SNED1: variants seen among roughly 807,000 people sequenced by gnomAD.
SNED1 encodes sushi, nidogen and EGF like domains 1.
A neutral mutation model predicts 166.7 loss-of-function variants in SNED1; 81 were observed. The observed-to-expected ratio is 0.49, with a 90% confidence interval of 0.41 to 0.58. SNED1 has a LOEUF of 0.58. Ranked by LOEUF, SNED1 falls within the 20% of genes least tolerant of loss-of-function variation. SNED1 has a pLI of 0.00. For synonymous variants in SNED1, 762 were observed against 822.0 expected, an observed-to-expected ratio of 0.93 and a Z score of 1.25; for missense variants, 1,604 against 2,000.2, an observed-to-expected ratio of 0.80 and a Z score of 3.78.
chr2:241,080,232 T>C (rs6739482), intron 27 of SNED1, among the ~76,000 whole-genome samples: 50,182 of 152,034 alleles, frequency 0.33, 12,225 homozygotes, highest in African/African-American at 0.67. Context: ...TACAGTGAGC[T>C]GAGATCGCGA....
chr2:241,073,688 C>G lies in SNED1; in HGVS notation c.3916+324C>G. 1 of 470,796 alleles carries G rather than the reference C, an allele frequency of 2.1e-6. No individual in the cohort carries two copies. Among genetic ancestry groups the G allele is most frequent in the East Asian group, 3.2e-5 (1 of 31,040 alleles). 29.2% of individuals were successfully genotyped at this position (470,796 alleles called of 1,614,324 possible). A position where few individuals can be genotyped will look rare whatever the true frequency, so the allele number is the denominator to read the frequency against. ...CACATGCAGCAGAGCCCACCCCAGC[C>G]CCTGCCTCTGGGCCCCTCACCCCTC... On this transcript the variant is annotated intron_variant, in intron 27 of 31. Coordinates refer to ENST00000310397, the MANE Select transcript of SNED1 (RefSeq NM_001080437.3). This position sits in a 1 kb window ranked among gnomAD's most constrained non-coding sequence, Gnocchi z 6.6.
At position 241,094,091 on chromosome 2, in the gene SNED1, C is replaced by T. The variant is rs570685210; in HGVS notation, c.*2455C>T. ...CACAATGGAAGAGAAAATGAAAACA[C>T]TGGCACAGTGAAATGTCTCATTTCC... is the stretch of plus-strand genomic sequence containing the variant. On this transcript the variant is annotated 3_prime_UTR_variant, in exon 32 of 32. Coordinates refer to ENST00000310397, the MANE Select transcript of SNED1 (RefSeq NM_001080437.3). This position sits in a 1 kb window ranked among gnomAD's most constrained non-coding sequence, Gnocchi z 4.3. The T allele has an allele frequency of 2.9e-6, 1 of 347,808 alleles. No homozygotes were observed. Among genetic ancestry groups the T allele is most frequent in the East Asian group, 7.9e-5 (1 of 12,688 alleles). The allele number at this position is 347,808 out of a possible 1,614,324, so 21.5% of individuals were successfully genotyped here. A position where few individuals can be genotyped will look rare whatever the true frequency, so the allele number is the denominator to read the frequency against.
intron 24 of SNED1, 184 bp from the exon 25 acceptor site, chr2:241,071,392 C>A (rs954078386): frequency 3.0e-6 from 2 of 658,370 alleles, no homozygotes; most frequent in African/African-American, 1.8e-5. Context: ...GGCGGGTGGG[C>A]TGGAAGGGAA....
At chr2:241,003,090 C>T (rs2060122460) in intron 1 of SNED1, among the ~76,000 whole-genome samples, 1 of 152,056 alleles carries the variant, frequency 6.6e-6, no homozygotes, top group Non-Finnish European at 1.5e-5. Flanking sequence ...CGCCAGAATC[C>T]CCGCTACGCT....
At chr2:241,012,546 T>C (rs1047439187) in intron 1 of SNED1, among the ~76,000 whole-genome samples, 14 of 152,232 alleles carry the variant, frequency 9.2e-5, no homozygotes, top group South Asian at 2.1e-4. Flanking sequence ...TATCGTTGTA[T>C]GAATAGACCA....
rs561989840 is a variant in SNED1 at position 241,094,398 on chromosome 2, C to A, written c.*2762C>A. 1.5e-5 allele frequency: 7 copies of A among 471,096 alleles called. No individual in the cohort carries two copies. The highest frequency in any genetic ancestry group is 2.4e-5 in the Admixed American group (1 of 42,546). The allele number at this position is 471,096 out of a possible 1,614,324, so 29.2% of individuals were successfully genotyped here. On this transcript the variant is annotated 3_prime_UTR_variant, in exon 32 of 32. Transcript: ENST00000310397. This position sits in a 1 kb window ranked among gnomAD's most constrained non-coding sequence, Gnocchi z 4.3. ...TGCTTTTCTTTTGCAAAACAAAAGT[C>A]TTTTTCTTTGCAGTCACGCTGTAAG...
In SNED1 at chr2:241,092,412, A is replaced by T. The variant is rs1354161901; in HGVS notation, c.*776A>T. The stretch of plus-strand genomic sequence containing the variant: ...TGAATGGCTGCGGCTATGTTCCAAT[A>T]AAAACTTATTTACAATAACAGGTGG... On this transcript the variant is annotated 3_prime_UTR_variant, in exon 32 of 32. Transcript: ENST00000310397. This position sits in a 1 kb window ranked among gnomAD's most constrained non-coding sequence, Gnocchi z 4.6. 6.6e-6 allele frequency: 1 copy of T among 152,226 alleles called. No individual in the cohort carries two copies. The allele number at this position is 152,226 out of a possible 1,614,324, so 9.4% of individuals were successfully genotyped here. A position where few individuals can be genotyped will look rare whatever the true frequency, so the allele number is the denominator to read the frequency against.
At chr2:241,070,931 G>A (rs371788910) in intron 24 of SNED1, among the ~76,000 whole-genome samples, 2 of 152,226 alleles carry the variant, frequency 1.3e-5, no homozygotes, top group African/African-American at 4.8e-5. Context: ...TCCCCAACCC[G>A]TGAGGCTGTG....
intron 1 of SNED1, chr2:241,010,120 G>C (rs939960188): frequency 6.6e-6 from 1 of 152,252 alleles, no homozygotes; most frequent in African/African-American, 2.4e-5. Flanking sequence ...TCAAAGCAGG[G>C]AACCGCAGAG....
At chr2:241,035,587 ACTCGC>A (rs2061323889) in intron 4 of SNED1, 8 of 151,964 alleles carry the variant, frequency 5.3e-5, no homozygotes, top group Admixed American at 4.6e-4. Context: ...CCTGCCCCAG[ACTCGC>A]CTCCCAGCCG....
intron 16 of SNED1, among the ~76,000 whole-genome samples, chr2:241,059,086 C>T (rs1204021142): frequency 1.3e-5 from 2 of 152,180 alleles, no homozygotes; most frequent in East Asian, 1.9e-4. Context: ...ATTAAAGATC[C>T]TGCCAGTACT....
In SNED1 at chr2:241,012,992, C is replaced by T. The variant is rs559410157; in HGVS notation, c.213+13942C>T. On this transcript the variant is annotated intron_variant, in intron 1 of 31. Transcript: ENST00000310397. ...CTGGGACTACAGGTGCCCGCCACCA[C>T]GCCCGCTAATTTTTTGTATTTTCAG... Among the ~76,000 whole-genome samples the T allele has an allele frequency of 1.4e-4, 21 of 152,090 alleles. No individual in the cohort carries two copies. The South Asian group carries it at 1.9e-3, about 14-fold the overall frequency.
chr2:241,011,775 G>T (rs1328107909), intron 1 of SNED1, among the ~76,000 whole-genome samples: 1 of 152,210 alleles, frequency 6.6e-6, no homozygotes, highest in Non-Finnish European at 1.5e-5. Context: ...TCTGGCCTGG[G>T]CCTTGCCCAC....
In SNED1 at chr2:241,064,269, C is replaced by T. The variant is rs2062350813; in HGVS notation, c.2599+144C>T. ...CTCTGCCCGCCGCCTTGGAAGTCCC[C>T]TTCTCAGGCCAGTGGCCCTCCGCCT... On this transcript the variant is annotated intron_variant, in intron 19 of 31. Coordinates refer to ENST00000310397, the MANE Select transcript of SNED1 (RefSeq NM_001080437.3). This position sits in a 1 kb window ranked among gnomAD's most constrained non-coding sequence, Gnocchi z 7.0. 6.5e-6 allele frequency: 4 copies of T among 611,922 alleles called. No homozygotes were observed. Among genetic ancestry groups the T allele is most frequent in the Non-Finnish European group, 1.1e-5 (4 of 357,974 alleles). 37.9% of individuals were successfully genotyped at this position (611,922 alleles called of 1,614,324 possible).
intron 2 of SNED1, among the ~76,000 whole-genome samples, chr2:241,032,821 A>G (rs2061230169): frequency 1.3e-5 from 2 of 152,104 alleles, no homozygotes; most frequent in Non-Finnish European, 2.9e-5. Context: ...GTGTCTCTTC[A>G]TACCCTCTGA....
chr2:241,064,175 G>T lies in SNED1; in HGVS notation c.2599+50G>T, dbSNP rs746975906. ...CCCGCCCTCTGCCCGCCTGCTCCCC[G>T]CCCTCTGCCCGCCTGCTGCCCGCCC... On this transcript the variant is annotated intron_variant, in intron 19 of 31. Transcript: ENST00000310397. The surrounding 1 kb of genome is among the most constrained non-coding windows in gnomAD (Gnocchi z 7.0). The T allele has an allele frequency of 1.7e-5, 22 of 1,262,022 alleles. No individual in the cohort carries two copies. In the South Asian group the frequency reaches 2.6e-4, roughly 15 times the overall value. 78.2% of individuals were successfully genotyped at this position (1,262,022 alleles called of 1,614,324 possible).
At position 241,068,941 on chromosome 2, in the gene SNED1, C is replaced by A. The variant is rs1247126737; in HGVS notation, c.3225C>A (p.Ile1075=). 5 of 1,555,126 alleles carry A rather than the reference C, an allele frequency of 3.2e-6. No individual in the cohort carries two copies. Among genetic ancestry groups the A allele is most frequent in the Non-Finnish European group, 2.6e-6 (3 of 1,149,522 alleles). The change falls in exon 23 of 32, where the codon ATC becomes ATA. Residue 1075 remains isoleucine (I), a synonymous_variant. Transcript: ENST00000310397. This position sits in a 1 kb window ranked among gnomAD's most constrained non-coding sequence, Gnocchi z 5.3. ...TGCTGCCTGGGAAGAGGTACACCAT[C>A]CAGCTGACCACCCTCAGTGGGCTCA... is the stretch of plus-strand genomic sequence containing the variant. The part of the protein sequence containing the change: ...RALLPGKRYT[I]QLTTLSGLRG...
chr2:241,091,619 C>T lies in SNED1; in HGVS notation c.*2-19C>T, dbSNP rs564856399. On this transcript the variant is annotated intron_variant, in intron 31 of 31. Transcript: ENST00000310397. This position sits in a 1 kb window ranked among gnomAD's most constrained non-coding sequence, Gnocchi z 4.1. ...TGCCTGTCATTCTCCTCATGCTTCACTTTGTTTTTTCTTCAAAGGATTTAA... is the reference window on the plus strand; with the variant it reads ...TGCCTGTCATTCTCCTCATGCTTCATTTTGTTTTTTCTTCAAAGGATTTAA... The T allele has an allele frequency of 6.6e-6, 1 of 152,336 alleles. No individual in the cohort carries two copies. Among genetic ancestry groups the T allele is most frequent in the East Asian group, 1.9e-4 (1 of 5,194 alleles). 9.4% of individuals were successfully genotyped at this position (152,336 alleles called of 1,614,324 possible).
At chr2:241,046,723 G>T (rs1001226863) in intron 8 of SNED1, among the ~76,000 whole-genome samples, 4 of 152,180 alleles carry the variant, frequency 2.6e-5, no homozygotes, top group African/African-American at 9.7e-5. Flanking sequence ...CCTGACTGTG[G>T]TGGGGGTTAA....
Sources: gnomAD v4.1 joint callset for allele counts (sites outside exome capture counted in the v4.1 genomes callset) on GRCh38, gnomAD v4.1.1 for gene constraint, Gnocchi (gnomAD v3.1) non-coding constraint, MANE v1.5 for transcripts, NCBI Gene and HGNC (gene_info 2026-07-23, HGNC 2026-07-21) for gene names.